Variants in SEMA6C observed in about 807,000 individuals in gnomAD.
SEMA6C encodes the protein semaphorin 6C, also known as semaphorin-6C.
Under a neutral mutation model 72.9 loss-of-function variants are expected in SEMA6C, and 37 were observed. The observed-to-expected ratio is 0.51, with a 90% CI of 0.39 to 0.67. The LOEUF (loss-of-function observed/expected upper bound fraction) is 0.67. Among genes scored for constraint, SEMA6C ranks in the 30% least tolerant of loss-of-function variants. SEMA6C has a pLI of 0.00. For missense variants in SEMA6C, 1,189 were observed against 1,263.6 expected (o/e 0.94, Z 0.89); for synonymous variants, 578 against 554.1 (o/e 1.04, Z -0.61).
rs774224686 is a variant in SEMA6C at position 151,138,382 on chromosome 1, C to G, written c.481G>C (p.Glu161Gln). The change falls in exon 8 of 19, where the codon GAG becomes CAG. Residue 161 changes from glutamate to glutamine, a missense_variant. Transcript: ENST00000368914. ...YGITSLQQEG[E>Q]ELSGQARCPF... ...CATCGAGCCTGCCCACTCAGTTCCT[C>G]ACCCTCCTGCTGCAGCGAAGTTATC... 4 of 1,613,906 alleles carry G rather than the reference C, an allele frequency of 2.5e-6. No homozygotes were observed. The Admixed American group carries it at 6.7e-5, about 27-fold the overall frequency.
In SEMA6C at chr1:151,142,492, C is replaced by T. The variant is rs587628806; in HGVS notation, c.118+12G>A. The T allele has an allele frequency of 1.9e-6, 3 of 1,613,288 alleles. No individual in the cohort carries two copies. The highest frequency in any genetic ancestry group is 1.7e-5 in the Admixed American group (1 of 60,000). ...TCACAGAGATGGGGCAAGGTAGGTA[C>T]TGGGCACTCACCTTGAAGGTCAGAG... On this transcript the variant is annotated intron_variant, in intron 3 of 18. Transcript: ENST00000368914.
rs1681686527 is a variant in SEMA6C, at chr1:151,132,960, A to G, written c.2317T>C (p.Tyr773His). 7.1e-7 allele frequency: 1 copy of G among 1,410,778 alleles called. No individual in the cohort carries two copies. Among genetic ancestry groups the G allele is most frequent in the East Asian group, 3.7e-5 (1 of 27,266 alleles). 87.4% of individuals were successfully genotyped at this position (1,410,778 alleles called of 1,614,324 possible). A position where few individuals can be genotyped will look rare whatever the true frequency, so the allele number is the denominator to read the frequency against. ...EVTTLEELLR[Y>H]LHGPQPPRKG... ...CTGGGCGGCTGCGGGCCGTGCAGGTAGCGCAGCAGTTCCTCCAGGGTGGTG... is the reference window on the plus strand; with the variant it reads ...CTGGGCGGCTGCGGGCCGTGCAGGTGGCGCAGCAGTTCCTCCAGGGTGGTG... Residue 773 changes from tyrosine (Y) to histidine (H), a missense_variant, in exon 19 of 19, where the codon TAC becomes CAC. Transcript: ENST00000368914.
intron 2 of SEMA6C, among the ~76,000 whole-genome samples, chr1:151,143,186 C>T (rs772145005): frequency 1.4e-4 from 22 of 152,180 alleles, no homozygotes; most frequent in Non-Finnish European, 2.5e-4. Context: ...CTGACACTGT[C>T]CTTTCTAGAG....
intron 11 of SEMA6C, 65 bp from the exon 12 acceptor site, chr1:151,136,644 A>T: frequency 6.3e-7 from 1 of 1,589,682 alleles, no homozygotes. Flanking sequence ...CCCCAGGAAG[A>T]AGTGGTGGCA....
intron 18 of SEMA6C, 99 bp downstream of exon 18, chr1:151,134,302 C>T (rs1681830046): frequency 1.7e-6 from 2 of 1,204,668 alleles, no homozygotes; most frequent in African/African-American, 3.0e-5. Flanking sequence ...TTCCGATACT[C>T]CCAGGGTATT....
intron 7 of SEMA6C, 87 bp downstream of exon 7, chr1:151,138,543 G>A (rs1246632794): frequency 8.2e-6 from 12 of 1,458,724 alleles, no homozygotes; most frequent in African/African-American, 1.4e-5. Flanking sequence ...TTCCCCAACC[G>A]CAGTCCTTGG....
chr1:151,143,198 TGAGGAAGACACAGTTGGGG>T (rs971263569), intron 2 of SEMA6C, among the ~76,000 whole-genome samples: 1 of 152,106 alleles, frequency 6.6e-6, no homozygotes, highest in Non-Finnish European at 1.5e-5. Context: ...TTTCTAGAGT[TGAGGAAGACACAGTTGGGG>T]GAGGCAGCCT....
At chr1:151,142,761 C>A in intron 2 of SEMA6C, 86 bp from the exon 3 acceptor site, 1 of 632,714 alleles carries the variant, frequency 1.6e-6, no homozygotes, top group Non-Finnish European at 2.7e-6. Context: ...CCTGGTGTAT[C>A]CCCAGAAGAC....
intron 10 of SEMA6C, 137 bp from the exon 11 acceptor site, chr1:151,137,211 T>C (rs1336105218): frequency 3.0e-6 from 2 of 676,740 alleles, no homozygotes; most frequent in East Asian, 2.7e-5. Flanking sequence ...TTTGGGAGGC[T>C]GAGGTGGGTG....
At chr1:151,138,606 T>C in intron 7 of SEMA6C, 24 bp downstream of exon 7, 6 of 1,606,478 alleles carry the variant, frequency 3.7e-6, no homozygotes, top group Non-Finnish European at 5.1e-6. Flanking sequence ...ACTCCCATCC[T>C]AACCCCCACC....
At chr1:151,141,141 A>G (rs1308137212) in intron 3 of SEMA6C, among the ~76,000 whole-genome samples, 1 of 152,184 alleles carries the variant, frequency 6.6e-6, no homozygotes, top group African/African-American at 2.4e-5. Context: ...TCCTACAAAT[A>G]TAACCGGAAC....
chr1:151,144,948 T>G (rs1682826189), intron 1 of SEMA6C: 1 of 152,384 alleles, frequency 6.6e-6, no homozygotes, highest in Non-Finnish European at 1.5e-5. Flanking sequence ...CACCCCACTT[T>G]AGGCTGGATT....
In SEMA6C at chr1:151,135,878, T is replaced by C. The variant is rs1681980441; in HGVS notation, c.1260-114A>G. ...GTGCCCTTCCCCCAGGCCCCAGGGTTGCCTTCTTAGCTCTCTCCCTTCTAC... is the reference window on the plus strand; with the variant it reads ...GTGCCCTTCCCCCAGGCCCCAGGGTCGCCTTCTTAGCTCTCTCCCTTCTAC... On this transcript the variant is annotated intron_variant, in intron 13 of 18. Coordinates refer to ENST00000368914, the MANE Select transcript of SEMA6C (RefSeq NM_030913.6). 2.0e-6 allele frequency: 3 copies of C among 1,514,308 alleles called. No homozygotes were observed. In the Admixed American group the frequency reaches 5.6e-5, roughly 28 times the overall value. The allele number at this position is 1,514,308 out of a possible 1,614,324, so 93.8% of individuals were successfully genotyped here. A position where few individuals can be genotyped will look rare whatever the true frequency, so the allele number is the denominator to read the frequency against.
At chr1:151,143,138 A>G (rs1682692353) in intron 2 of SEMA6C, among the ~76,000 whole-genome samples, 1 of 152,186 alleles carries the variant, frequency 6.6e-6, no homozygotes, top group African/African-American at 2.4e-5. Context: ...CCCTGGGAGC[A>G]ATGCAGGCAC....
Position 151,131,836 on chromosome 1 carries a change from CAACT to C in SEMA6C, c.*644_*647del, listed in dbSNP as rs1195096308. ...GAGCTCCGAGGGCCTTCCCCAGCCTCAACTAAACTTTACCGGGGTCCCCCTGGCC... is the reference window on the plus strand; with the variant it reads ...GAGCTCCGAGGGCCTTCCCCAGCCTCAAACTTTACCGGGGTCCCCCTGGCC... On this transcript the variant is annotated 3_prime_UTR_variant, in exon 19 of 19. Coordinates refer to ENST00000368914, the MANE Select transcript of SEMA6C (RefSeq NM_030913.6). The C allele has an allele frequency of 5.8e-6, 1 of 171,058 alleles. No homozygotes were observed. The highest frequency in any genetic ancestry group is 1.3e-5 in the Non-Finnish European group (1 of 78,524). 10.6% of individuals were successfully genotyped at this position (171,058 alleles called of 1,614,324 possible).
Position 151,138,649 on chromosome 1 carries a change from G to C in SEMA6C, c.437C>G (p.Pro146Arg), listed in dbSNP as rs1164436386. 4 of 1,614,056 alleles carry C rather than the reference G, an allele frequency of 2.5e-6. No homozygotes were observed. Among genetic ancestry groups the C allele is most frequent in the Non-Finnish European group, 2.5e-6 (3 of 1,179,918 alleles). The change falls in exon 7 of 19, where the codon CCT becomes CGT. Residue 146 changes from proline to arginine, a missense_variant. Physicochemically the swap from Pro to Arg is moderately radical, Grantham distance 103. Coordinates refer to ENST00000368914, the MANE Select transcript of SEMA6C (RefSeq NM_030913.6). ...LLACGTNSFSPVCRSYGITSL... is the reference protein window; with the variant it reads ...LLACGTNSFSRVCRSYGITSL... ...TTGTACCCCATAGCTGCGGCACACA[G>C]GGCTGAATGAGTTCGTTCCACAGGC...
rs1303884511 is a variant in SEMA6C at position 151,134,695 on chromosome 1, G to C, written c.1659-20C>G. 1.2e-6 allele frequency: 2 copies of C among 1,613,782 alleles called. No individual in the cohort carries two copies. Among genetic ancestry groups the C allele is most frequent in the Non-Finnish European group, 8.5e-7 (1 of 1,179,898 alleles). ...TCAGTCCTAGGAGGAAAACGAAGTG[G>C]CTATAGAATTCTGTACGTTGTCCGT... On this transcript the variant is annotated intron_variant, in intron 16 of 18. Transcript: ENST00000368914.
In SEMA6C at chr1:151,133,600, A is replaced by G; in HGVS notation, c.1760-83T>C. 7.0e-7 allele frequency: 1 copy of G among 1,434,336 alleles called. No homozygotes were observed. The highest frequency in any genetic ancestry group is 2.5e-5 in the East Asian group (1 of 39,598). The allele number at this position is 1,434,336 out of a possible 1,614,324, so 88.9% of individuals were successfully genotyped here. ...AGGCCCAGAGGCGCCGGCAGTTCCC[A>G]GGCCTGACATCATCGTCCCTCCCGC... On this transcript the variant is annotated intron_variant, in intron 18 of 18. Transcript: ENST00000368914. The surrounding 1 kb of genome is among the most constrained non-coding windows in gnomAD (Gnocchi z 5.9).
Position 151,136,468 on chromosome 1 carries a change from C to T in SEMA6C, c.1086G>A (p.Glu362=), listed in dbSNP as rs748433022. The T allele has an allele frequency of 1.2e-6, 2 of 1,613,964 alleles. No individual in the cohort carries two copies. The highest frequency in any genetic ancestry group is 1.7e-6 in the Non-Finnish European group (2 of 1,179,984). Residue 362 remains glutamate (E), a synonymous_variant, in exon 12 of 19, where the codon GAG becomes GAA. Transcript: ENST00000368914. Reference sequence around the variant, plus strand: ...GGTACCTGGGTGAGGGAACTCTGTCCTCAGACACAGGAGTCCAGGCCCCAT... The same window carrying T: ...GGTACCTGGGTGAGGGAACTCTGTCTTCAGACACAGGAGTCCAGGCCCCAT... The part of the protein sequence containing the change: ...SLDGAWTPVS[E]DRVPSPRPGS...
Sources: allele counts gnomAD v4.1 joint callset (sites outside exome capture counted in the v4.1 genomes callset), GRCh38; gene constraint gnomAD v4.1.1; non-coding constraint Gnocchi (gnomAD v3.1); transcripts MANE v1.5; gene names NCBI Gene and HGNC (gene_info 2026-07-23, HGNC 2026-07-21).